The following FAM200B variants were observed in gnomAD, a reference collection of about 807,000 sequenced individuals.
The protein encoded by FAM200B is zinc finger BED-type containing 11.
FAM200B carries 32 observed loss-of-function variants against 33.1 expected under a neutral mutation model. The observed-to-expected ratio is 0.97, with a 90% confidence interval of 0.73 to 1.30. FAM200B has a LOEUF of 1.30. Ranked by LOEUF, FAM200B falls within the 50% of genes most tolerant of loss-of-function variation. The pLI is 0.00. For synonymous variants in FAM200B, 240 were observed against 264.8 expected (o/e 0.91, Z 0.91); for missense variants, 741 against 754.0 (o/e 0.98, Z 0.20).
the FAM200B span, among the ~76,000 whole-genome samples, chr4:15,669,360 A>C: frequency 4.6e-5 from 7 of 152,238 alleles, no homozygotes; most frequent in Non-Finnish European, 1.0e-4. Context: ...GTAAAAATAC[A>C]GTATTACTTC....
At chr4:15,655,260 C>G in the FAM200B span, 1 of 1,439,056 alleles carries the variant, frequency 6.9e-7, no homozygotes, top group East Asian at 3.0e-5. Flanking sequence ...GCGGTGAAGA[C>G]GTCCACTTCT....
the FAM200B span, among the ~76,000 whole-genome samples, chr4:15,643,613 G>C: frequency 6.6e-6 from 1 of 152,040 alleles, no homozygotes; most frequent in Non-Finnish European, 1.5e-5. Flanking sequence ...CACTATGTTG[G>C]CCAGGCTGGT....
In FAM200B at chr4:15,688,750, T is replaced by C. The variant is rs1476634711; in HGVS notation, c.1773T>C (p.Phe591=). ...SAFWMKVKED[F]PLLSRKSVLL... is the part of the protein sequence containing the mutation. Reference sequence around the variant, plus strand: ...TTTGGATGAAGGTAAAGGAAGACTTTCCATTGTTAAGTAGAAAGAGTGTCC... The same window carrying C: ...TTTGGATGAAGGTAAAGGAAGACTTCCCATTGTTAAGTAGAAAGAGTGTCC... Residue 591 remains phenylalanine, a synonymous_variant, in exon 2 of 2, where the codon TTT becomes TTC. Transcript: ENST00000422728. The C allele has an allele frequency of 2.6e-6, 4 of 1,550,608 alleles. No individual in the cohort carries two copies. The highest frequency in any genetic ancestry group is 3.9e-5 in the Admixed American group (2 of 50,962).
chr4:15,650,133 AC>A, the FAM200B span, among the ~76,000 whole-genome samples: 834 of 152,318 alleles, frequency 5.5e-3, 7 homozygotes, highest in African/African-American at 0.019. Flanking sequence ...CCGGAAATGT[AC>A]TACTGACACC....
the FAM200B span, chr4:15,636,803 A>G: frequency 4.7e-6 from 3 of 644,254 alleles, no homozygotes; most frequent in Middle Eastern, 9.0e-4. Context: ...CAAGATGTGA[A>G]AATGAAATAA....
chr4:15,646,049 A>T, the FAM200B span, among the ~76,000 whole-genome samples: 2 of 152,228 alleles, frequency 1.3e-5, no homozygotes, highest in Non-Finnish European at 2.9e-5. Flanking sequence ...ATCTAGAGCA[A>T]GAATTGGCAA....
At position 15,687,560 on chromosome 4, in the gene FAM200B, C is replaced by G. The variant is rs1156754106; in HGVS notation, c.583C>G (p.Pro195Ala). 6.5e-7 allele frequency: 1 copy of G among 1,549,736 alleles called. No individual in the cohort carries two copies. The change falls in exon 2 of 2, where the codon CCT becomes GCT. Residue 195 changes from proline (P) to alanine (A), a missense_variant. Transcript: ENST00000422728. ...DKSADKLKTI[P>A]NDNTVSLRIC... The stretch of plus-strand genomic sequence containing the variant: ...ATCAGCTGATAAATTAAAAACTATA[C>G]CTAATGATAACACAGTATCTCTTCG...
At chr4:15,639,335 G>C in the FAM200B span, among the ~76,000 whole-genome samples, 33 of 152,284 alleles carry the variant, frequency 2.2e-4, no homozygotes, top group East Asian at 6.2e-3. Context: ...TCTGGTACTA[G>C]AGTAACTGAA....
chr4:15,643,017 T>G, the FAM200B span, among the ~76,000 whole-genome samples: 1 of 152,196 alleles, frequency 6.6e-6, no homozygotes, highest in African/African-American at 2.4e-5. Context: ...TTTCTACTAG[T>G]CATGACTTTA....
chr4:15,673,614 T>C, the FAM200B span, among the ~76,000 whole-genome samples: 1 of 152,216 alleles, frequency 6.6e-6, no homozygotes, highest in South Asian at 2.1e-4. Flanking sequence ...CTTTATGTGA[T>C]CCAAGACTGT....
chr4:15,643,907 T>G, the FAM200B span, among the ~76,000 whole-genome samples: 2 of 152,206 alleles, frequency 1.3e-5, no homozygotes, highest in African/African-American at 4.8e-5. Context: ...TGAGTAGCAT[T>G]CATTATAAAA....
chr4:15,679,432 C>T (rs1718118583), upstream of FAM200B, among the ~76,000 whole-genome samples: 1 of 151,916 alleles, frequency 6.6e-6, no homozygotes, highest in South Asian at 2.1e-4. Context: ...AATATTTACC[C>T]AAGTCTCTTG....
At chr4:15,637,487 T>C in the FAM200B span, among the ~76,000 whole-genome samples, 1 of 152,202 alleles carries the variant, frequency 6.6e-6, no homozygotes, top group Non-Finnish European at 1.5e-5. Context: ...GCAACTTAAA[T>C]ATAGAAATGC....
chr4:15,636,914 T>G, the FAM200B span, among the ~76,000 whole-genome samples: 2 of 152,262 alleles, frequency 1.3e-5, no homozygotes, highest in South Asian at 4.1e-4. Flanking sequence ...GCTACAATAA[T>G]GAACACAGAA....
the FAM200B span, among the ~76,000 whole-genome samples, chr4:15,660,882 A>C: frequency 6.6e-6 from 1 of 152,014 alleles, no homozygotes; most frequent in South Asian, 2.1e-4. Flanking sequence ...TTTGAAACCA[A>C]CCTGGGCAAC....
At chr4:15,650,935 C>A in the FAM200B span, among the ~76,000 whole-genome samples, 12 of 152,084 alleles carry the variant, frequency 7.9e-5, no homozygotes, top group African/African-American at 2.7e-4. Context: ...CAACCTATAA[C>A]TGACTTTCTG....
chr4:15,682,905 C>T (rs1006804029), intron 1 of FAM200B, among the ~76,000 whole-genome samples: 1 of 152,120 alleles, frequency 6.6e-6, no homozygotes, highest in Non-Finnish European at 1.5e-5. Context: ...GTATGGAGAT[C>T]ATGTGATGAA....
the FAM200B span, among the ~76,000 whole-genome samples, chr4:15,668,753 G>T: frequency 6.6e-6 from 1 of 152,140 alleles, no homozygotes; most frequent in Non-Finnish European, 1.5e-5. Flanking sequence ...TAATTTCTTA[G>T]TTATTGCACT....
At chr4:15,666,450 AAAAT>A in the FAM200B span, among the ~76,000 whole-genome samples, 1 of 152,110 alleles carries the variant, frequency 6.6e-6, no homozygotes, top group East Asian at 1.9e-4. Flanking sequence ...TGTGGAATCT[AAAAT>A]AAAGTTAAAC....
Sources: allele counts gnomAD v4.1 joint callset (sites outside exome capture counted in the v4.1 genomes callset), GRCh38; gene constraint gnomAD v4.1.1; transcripts MANE v1.5; gene names NCBI Gene and HGNC (gene_info 2026-07-23, HGNC 2026-07-21).